Variants in EFCAB5 observed in about 807,000 individuals in gnomAD.
The protein encoded by EFCAB5 is EF-hand calcium-binding domain-containing protein 5.
EFCAB5 carries 131 observed loss-of-function variants against 167.9 expected under a neutral mutation model. The ratio of observed to expected loss-of-function variants is 0.78; its 90% CI spans 0.68 to 0.90. The LOEUF (loss-of-function observed/expected upper bound fraction) is 0.90. EFCAB5 is among the 40% of genes least tolerant of loss of function. EFCAB5 has a pLI of 0.00. For missense variants in EFCAB5, 1,663 were observed against 1,745.2 expected (o/e 0.95, Z 0.84); for synonymous variants, 574 against 602.8 (o/e 0.95, Z 0.70).
intron 22 of EFCAB5, among the ~76,000 whole-genome samples, chr17:30,103,020 G>C (rs1048946533): frequency 6.6e-6 from 1 of 151,576 alleles, no homozygotes; most frequent in African/African-American, 2.4e-5. Context: ...TGTATTTTTT[G>C]TAGAGACAGA....
chr17:30,013,521 TTAGTC>T (rs2068957508), intron 7 of EFCAB5, among the ~76,000 whole-genome samples: 1 of 152,196 alleles, frequency 6.6e-6, no homozygotes, highest in Non-Finnish European at 1.5e-5. Flanking sequence ...TCTTCCTGGT[TTAGTC>T]TTGGGAGGGT....
chr17:30,012,611 CA>C (rs1030936857), intron 7 of EFCAB5, among the ~76,000 whole-genome samples: 2 of 152,090 alleles, frequency 1.3e-5, no homozygotes, highest in African/African-American at 4.8e-5. Context: ...CAATAAATAT[CA>C]GTGCAGCCTG....
At chr17:29,979,251 G>A (rs1477159680) in intron 4 of EFCAB5, among the ~76,000 whole-genome samples, 1 of 152,076 alleles carries the variant, frequency 6.6e-6, no homozygotes, top group Non-Finnish European at 1.5e-5. Context: ...TCGAGAGTGG[G>A]AGAATTGCTT....
chr17:30,019,333 A>G (rs1419485614), intron 7 of EFCAB5, among the ~76,000 whole-genome samples: 1 of 151,870 alleles, frequency 6.6e-6, no homozygotes, highest in African/African-American at 2.4e-5. Flanking sequence ...GAGTATTATC[A>G]AAAGGCTTAT....
intron 14 of EFCAB5, chr17:30,073,017 T>G: frequency 1.8e-6 from 1 of 543,722 alleles, no homozygotes; most frequent in Admixed American, 3.3e-5. Context: ...TCTTTCACTC[T>G]GCACTCTGGC....
At chr17:30,039,981 C>T (rs2069725839) in intron 8 of EFCAB5, among the ~76,000 whole-genome samples, 1 of 152,158 alleles carries the variant, frequency 6.6e-6, no homozygotes, top group Non-Finnish European at 1.5e-5. Flanking sequence ...GCCACTGAAA[C>T]AGGGTATAAA....
At chr17:30,068,010 T>G (rs999536337) in intron 14 of EFCAB5, among the ~76,000 whole-genome samples, 5 of 152,112 alleles carry the variant, frequency 3.3e-5, no homozygotes, top group Non-Finnish European at 5.9e-5. Context: ...AAAATCAACA[T>G]ATAAAAATCA....
chr17:30,095,986 C>T (rs1383117093), intron 22 of EFCAB5, among the ~76,000 whole-genome samples: 1 of 152,174 alleles, frequency 6.6e-6, no homozygotes, highest in African/African-American at 2.4e-5. Context: ...AGATTTTAGG[C>T]CATGGAGGAG....
intron 14 of EFCAB5, among the ~76,000 whole-genome samples, chr17:30,060,632 C>T (rs1039497346): frequency 1.3e-4 from 20 of 152,126 alleles, no homozygotes; most frequent in African/African-American, 4.6e-4. Context: ...ATTGGTTGAG[C>T]GTCAAATGTT....
chr17:29,970,848 G>C (rs146698523), intron 4 of EFCAB5, among the ~76,000 whole-genome samples: 1 of 152,168 alleles, frequency 6.6e-6, no homozygotes, highest in Admixed American at 6.5e-5. Flanking sequence ...GCCAAGACAG[G>C]CTGATCACCT....
chr17:30,035,590 G>A (rs1478427148), intron 8 of EFCAB5, among the ~76,000 whole-genome samples: 1 of 152,202 alleles, frequency 6.6e-6, no homozygotes, highest in Non-Finnish European at 1.5e-5. Flanking sequence ...GAAGCAGTTA[G>A]AGCCAGTTAC....
At chr17:29,977,533 A>G (rs2068085877) in intron 4 of EFCAB5, among the ~76,000 whole-genome samples, 1 of 152,190 alleles carries the variant, frequency 6.6e-6, no homozygotes, top group Non-Finnish European at 1.5e-5. Flanking sequence ...CTTTTCCTGT[A>G]TAATGCATAC....
chr17:30,087,048 C>T lies in EFCAB5; in HGVS notation c.3580-15C>T. ...GGTCTAATTACTCCTAATGAAATGCCTTCCTCTTTTCAAGGATTCAGACTA... is the reference window on the plus strand; with the variant it reads ...GGTCTAATTACTCCTAATGAAATGCTTTCCTCTTTTCAAGGATTCAGACTA... On this transcript the variant is annotated splice_polypyrimidine_tract_variant and intron_variant, in intron 18 of 22. Coordinates refer to ENST00000394835, the MANE Select transcript of EFCAB5 (RefSeq NM_198529.4). 6 of 1,610,896 alleles carry T rather than the reference C, an allele frequency of 3.7e-6. No homozygotes were observed. Among genetic ancestry groups the T allele is most frequent in the Non-Finnish European group, 5.1e-6 (6 of 1,177,592 alleles).
At chr17:29,951,239 C>T (rs1052386558) in intron 3 of EFCAB5, among the ~76,000 whole-genome samples, 5 of 152,188 alleles carry the variant, frequency 3.3e-5, no homozygotes, top group African/African-American at 4.8e-5. Context: ...TCAAGGGTTT[C>T]TTCACAGACC....
intron 19 of EFCAB5, among the ~76,000 whole-genome samples, chr17:30,088,149 T>A (rs906087546): frequency 3.3e-5 from 5 of 152,172 alleles, no homozygotes; most frequent in African/African-American, 1.2e-4. Flanking sequence ...GAGAGATGAG[T>A]TCTCACTGTG....
At position 30,088,346 on chromosome 17, in the gene EFCAB5, T is replaced by C. The variant is rs923903677; in HGVS notation, c.3683+1180T>C. On this transcript the variant is annotated intron_variant, in intron 19 of 22. Coordinates refer to ENST00000394835, the MANE Select transcript of EFCAB5 (RefSeq NM_198529.4). ...ATGGTGCCCAGCCTTCCCAAGTCCT[T>C]TTTAAAACAGATTTCATTGGCATTT... Among the ~76,000 whole-genome samples the C allele has an allele frequency of 4.6e-5, 7 of 152,216 alleles. 1 individual carries two copies. The highest frequency in any genetic ancestry group is 1.7e-4 in the African/African-American group (7 of 41,452).
intron 22 of EFCAB5, among the ~76,000 whole-genome samples, chr17:30,103,872 C>G (rs2071411389): frequency 6.6e-6 from 1 of 152,072 alleles, no homozygotes; most frequent in Admixed American, 6.6e-5. Flanking sequence ...GAAGAATTAG[C>G]CAGGCGTGCA....
Position 30,004,138 on chromosome 17 carries a change from T to G in EFCAB5, c.1044+4162T>G, listed in dbSNP as rs1454904701. Among the ~76,000 whole-genome samples the G allele has an allele frequency of 2.6e-5, 4 of 152,258 alleles. No homozygotes were observed. The East Asian group carries it at 7.7e-4, about 29-fold the overall frequency. ...TCCCCTCTCATAAGGCGTGAATTATTGGTGGCTCTGCCCCATTCTCCCAAT... is the reference window on the plus strand; with the variant it reads ...TCCCCTCTCATAAGGCGTGAATTATGGGTGGCTCTGCCCCATTCTCCCAAT... On this transcript the variant is annotated intron_variant, in intron 7 of 22. Coordinates refer to ENST00000394835, the MANE Select transcript of EFCAB5 (RefSeq NM_198529.4).
intron 6 of EFCAB5, among the ~76,000 whole-genome samples, chr17:29,997,228 G>C (rs1397416363): frequency 2.7e-5 from 4 of 149,784 alleles, no homozygotes; most frequent in Admixed American, 1.3e-4. Context: ...CTGGGTGACA[G>C]AGTGAGACTC....
Sources: gnomAD v4.1 joint callset for allele counts (sites outside exome capture counted in the v4.1 genomes callset) on GRCh38, gnomAD v4.1.1 for gene constraint, MANE v1.5 for transcripts, NCBI Gene and HGNC (gene_info 2026-07-23, HGNC 2026-07-21) for gene names.